GNG7: variants seen among roughly 807,000 people sequenced by gnomAD.
The protein encoded by GNG7 is guanine nucleotide-binding protein G(I)/G(S)/G(O) subunit gamma-7.
In GNG7, 1 loss-of-function variant was observed where a neutral mutation model predicts 4.0. The ratio of observed to expected loss-of-function variants is 0.25; its 90% confidence interval spans 0.09 to 1.18. The LOEUF is 1.18. Ranked by LOEUF, GNG7 falls within the 50% of genes most tolerant of loss-of-function variation. The pLI is 0.50. For synonymous variants in GNG7, 34 were observed against 36.9 expected, an observed-to-expected ratio of 0.92 and a Z score of 0.29; for missense variants, 86 against 91.9, an observed-to-expected ratio of 0.94 and a Z score of 0.26.
At position 2,618,338 on chromosome 19, in the gene GNG7, G is replaced by A. The variant is rs1254436527; in HGVS notation, c.-78+27886C>T. Among the ~76,000 whole-genome samples the A allele has an allele frequency of 6.9e-6, 1 of 144,016 alleles. No homozygotes were observed. The highest frequency in any genetic ancestry group is 2.8e-5 in the African/African-American group (1 of 35,448). 94.5% of individuals were successfully genotyped at this position (144,016 alleles called of 152,430 possible). On this transcript the variant is annotated intron_variant, in intron 2 of 4. Transcript: ENST00000382159. The surrounding 1 kb of genome is among the most constrained non-coding windows in gnomAD (Gnocchi z 5.1). ...ATTTTTCTCTTTTCTACCTGTATGT[G>A]TGTGGTGTGTGTGTGTGTGTGTGTG...
In GNG7 at chr19:2,546,420, T is replaced by C. The variant is rs1979129120; in HGVS notation, c.-38+8729A>G. Among the ~76,000 whole-genome samples the C allele has an allele frequency of 6.6e-6, 1 of 152,202 alleles. No homozygotes were observed. Among genetic ancestry groups the C allele is most frequent in the Admixed American group, 6.5e-5 (1 of 15,288 alleles). ...GCTCTGTGACCTCAAGGCAGGGCCGTGGGGCCCAGGGCTGCGGGCGGGAGG... is the reference window on the plus strand; with the variant it reads ...GCTCTGTGACCTCAAGGCAGGGCCGCGGGGCCCAGGGCTGCGGGCGGGAGG... On this transcript the variant is annotated intron_variant, in intron 3 of 4. Coordinates refer to ENST00000382159, the MANE Select transcript of GNG7 (RefSeq NM_052847.3). This position sits in a 1 kb window ranked among gnomAD's most constrained non-coding sequence, Gnocchi z 6.3.
At chr19:2,647,321 T>A (rs1982692240) in intron 1 of GNG7, among the ~76,000 whole-genome samples, 1 of 152,162 alleles carries the variant, frequency 6.6e-6, no homozygotes, top group Admixed American at 6.5e-5. Flanking sequence ...CCCAGCTCGC[T>A]GCTGGGGATG....
intron 1 of GNG7, among the ~76,000 whole-genome samples, chr19:2,693,481 C>T (rs1021417927): frequency 6.6e-6 from 1 of 151,416 alleles, no homozygotes; most frequent in Non-Finnish European, 1.5e-5. Flanking sequence ...AACTAATTAA[C>T]ATACATCAAA....
chr19:2,573,160 G>T (rs1438714864), intron 2 of GNG7, among the ~76,000 whole-genome samples: 2 of 151,276 alleles, frequency 1.3e-5, no homozygotes, highest in African/African-American at 4.9e-5. Context: ...TGAGTAGCTG[G>T]GATTACAGGC....
intron 1 of GNG7, among the ~76,000 whole-genome samples, chr19:2,683,965 C>A (rs927163768): frequency 4.6e-5 from 7 of 152,124 alleles, no homozygotes; most frequent in Non-Finnish European, 7.4e-5. Flanking sequence ...GCAAAAGCGA[C>A]GTCAAATGGA....
intron 2 of GNG7, among the ~76,000 whole-genome samples, chr19:2,599,243 C>T (rs1414639338): frequency 6.6e-6 from 1 of 152,088 alleles, no homozygotes; most frequent in African/African-American, 2.4e-5. Flanking sequence ...CCGCACTTTC[C>T]CCTCGCTGAC....
chr19:2,589,219 C>A (rs140870087), intron 2 of GNG7, among the ~76,000 whole-genome samples: 1 of 150,982 alleles, frequency 6.6e-6, no homozygotes, highest in Non-Finnish European at 1.5e-5. Context: ...TGAGCCACCA[C>A]GCCCGGCCGT....
Position 2,676,773 on chromosome 19 carries a change from C to T in GNG7, c.-135+25873G>A, listed in dbSNP as rs912009062. 9.4e-5 allele frequency among the ~76,000 whole-genome samples: 14 copies of T among 149,614 alleles called. No individual in the cohort carries two copies. The Admixed American group carries it at 9.4e-4, about 10-fold the overall frequency. ...TATTCTGCAGATGGAGGTTCAGGAG[C>T]TTGCACCACTTCCTAGACCCGGCTG... On this transcript the variant is annotated intron_variant, in intron 1 of 4. Coordinates refer to ENST00000382159, the MANE Select transcript of GNG7 (RefSeq NM_052847.3).
chr19:2,531,695 C>T lies in GNG7; in HGVS notation c.-37-10970G>A, dbSNP rs1035498702. ...CTGAGGCAGGAGAGTGGCATGAACC[C>T]GGGAGGTGGAGCTTGCAGTGAACCG... is the stretch of plus-strand genomic sequence containing the variant. On this transcript the variant is annotated intron_variant, in intron 3 of 4. Transcript: ENST00000382159. Among the ~76,000 whole-genome samples the T allele has an allele frequency of 5.3e-5, 8 of 150,754 alleles. No individual in the cohort carries two copies. In the South Asian group the frequency reaches 6.3e-4, roughly 12 times the overall value.
chr19:2,595,486 C>G (rs900502946), intron 2 of GNG7, among the ~76,000 whole-genome samples: 1 of 151,928 alleles, frequency 6.6e-6, no homozygotes, highest in Non-Finnish European at 1.5e-5. Context: ...GTAATCCCAG[C>G]ACTTTGGGAG....
intron 2 of GNG7, among the ~76,000 whole-genome samples, chr19:2,637,042 C>G (rs996924480): frequency 6.6e-6 from 1 of 151,992 alleles, no homozygotes; most frequent in African/African-American, 2.4e-5. Context: ...CTGCACCCAC[C>G]TGCACACCCA....
At chr19:2,620,355 C>T (rs1251020737) in intron 2 of GNG7, among the ~76,000 whole-genome samples, 1 of 151,874 alleles carries the variant, frequency 6.6e-6, no homozygotes, top group Non-Finnish European at 1.5e-5. Flanking sequence ...GCAGGCAGGT[C>T]ACTGCCCCCC....
At position 2,653,154 on chromosome 19, in the gene GNG7, C is replaced by T. The variant is rs545710958; in HGVS notation, c.-134-6874G>A. ...AACTGAAAACAAAAACCAGGCCTCACCCACAGTGTCGAAGGCATGCATCTT... is the reference window on the plus strand; with the variant it reads ...AACTGAAAACAAAAACCAGGCCTCATCCACAGTGTCGAAGGCATGCATCTT... On this transcript the variant is annotated intron_variant, in intron 1 of 4. Coordinates refer to ENST00000382159, the MANE Select transcript of GNG7 (RefSeq NM_052847.3). The surrounding 1 kb of genome is among the most constrained non-coding windows in gnomAD (Gnocchi z 4.8). 6.8e-4 allele frequency among the ~76,000 whole-genome samples: 103 copies of T among 152,202 alleles called. 2 individuals carry two copies. In the South Asian group the frequency reaches 0.021, roughly 30 times the overall value.
intron 3 of GNG7, among the ~76,000 whole-genome samples, chr19:2,524,085 C>T (rs1193836375): frequency 6.6e-6 from 1 of 152,220 alleles, no homozygotes; most frequent in East Asian, 1.9e-4. Context: ...AGAGAACAAA[C>T]GGGCTGGCCG....
chr19:2,602,794 T>C (rs1422266226), intron 2 of GNG7, among the ~76,000 whole-genome samples: 1 of 152,160 alleles, frequency 6.6e-6, no homozygotes, highest in Non-Finnish European at 1.5e-5. Flanking sequence ...GAATTGCCTT[T>C]TATAGGCAGG....
At chr19:2,539,637 A>G (rs1008323572) in intron 3 of GNG7, among the ~76,000 whole-genome samples, 7 of 151,956 alleles carry the variant, frequency 4.6e-5, no homozygotes, top group African/African-American at 1.4e-4. Flanking sequence ...ACGATATCCA[A>G]TGGGGGATGG....
At chr19:2,621,822 C>T (rs1981879213) in intron 2 of GNG7, among the ~76,000 whole-genome samples, 2 of 152,098 alleles carry the variant, frequency 1.3e-5, no homozygotes. Context: ...CCCCCAGAAG[C>T]CAGAGGACGC....
intron 2 of GNG7, among the ~76,000 whole-genome samples, chr19:2,602,033 T>A (rs1981213717): frequency 6.6e-6 from 1 of 151,686 alleles, no homozygotes; most frequent in African/African-American, 2.4e-5. Context: ...GAAAGTCTGC[T>A]AGGATCTGGA....
chr19:2,698,420 C>T (rs557729266), intron 1 of GNG7, among the ~76,000 whole-genome samples: 3 of 151,552 alleles, frequency 2.0e-5, no homozygotes, highest in Admixed American at 6.6e-5. Flanking sequence ...AAAAATTAGC[C>T]GGGTGCAGTG....
Sources: allele counts gnomAD v4.1 joint callset (sites outside exome capture counted in the v4.1 genomes callset), GRCh38; gene constraint gnomAD v4.1.1; non-coding constraint Gnocchi (gnomAD v3.1); transcripts MANE v1.5; gene names NCBI Gene and HGNC (gene_info 2026-07-23, HGNC 2026-07-21).